The following AMBRA1 variants were observed in gnomAD, a reference collection of about 807,000 sequenced individuals.
AMBRA1 encodes activating molecule in BECN1-regulated autophagy protein 1.
A neutral mutation model predicts 125.4 loss-of-function variants in AMBRA1; 47 were observed. The ratio of observed to expected loss-of-function variants is 0.37; its 90% CI spans 0.30 to 0.48. AMBRA1 has a LOEUF of 0.48. Ranked by LOEUF, AMBRA1 falls within the 20% of genes least tolerant of loss-of-function variation. AMBRA1 has a pLI of 0.99. For missense variants in AMBRA1, 1,331 were observed against 1,693.4 expected (o/e 0.79, Z 3.76); for synonymous variants, 626 against 655.5 (o/e 0.95, Z 0.69).
chr11:46,443,621 C>T, intron 11 of AMBRA1, 23 bp from the exon 12 acceptor site: 1 of 1,577,582 alleles, frequency 6.3e-7, no homozygotes, highest in Non-Finnish European at 8.7e-7. Flanking sequence ...AAGTCAAAGA[C>T]AGCACATTAT....
chr11:46,550,404 GA>G (rs1340962245), intron 1 of AMBRA1, among the ~76,000 whole-genome samples: 3 of 152,146 alleles, frequency 2.0e-5, no homozygotes, highest in African/African-American at 7.2e-5. Context: ...TTACTTGGTT[GA>G]GGTTGTTAAG....
chr11:46,510,825 T>A (rs1951227742), intron 8 of AMBRA1, among the ~76,000 whole-genome samples: 1 of 152,122 alleles, frequency 6.6e-6, no homozygotes, highest in Admixed American at 6.6e-5. Flanking sequence ...GGGTGAAGCC[T>A]AAGAGGAAAA....
intron 11 of AMBRA1, among the ~76,000 whole-genome samples, chr11:46,469,277 T>A (rs140496136): frequency 1.7e-3 from 257 of 152,332 alleles, no homozygotes; most frequent in Non-Finnish European, 3.2e-3. Context: ...CTCCTAATCT[T>A]CCCTTCCTCC....
intron 13 of AMBRA1, 26 bp from the exon 14 acceptor site, chr11:46,433,654 AT>A: frequency 6.2e-7 from 1 of 1,605,370 alleles, no homozygotes; most frequent in Non-Finnish European, 8.5e-7. Flanking sequence ...ACAGAGAAAT[AT>A]TTCCTAGGCT....
At chr11:46,554,617 G>A (rs1297626504) in intron 1 of AMBRA1, among the ~76,000 whole-genome samples, 1 of 152,074 alleles carries the variant, frequency 6.6e-6, no homozygotes, top group Admixed American at 6.6e-5. Context: ...AAGGATAAGG[G>A]ACTTCTCTCC....
intron 11 of AMBRA1, 35 bp downstream of exon 11, chr11:46,493,573 T>TC: frequency 6.4e-7 from 1 of 1,556,680 alleles, no homozygotes; most frequent in Non-Finnish European, 8.8e-7. Flanking sequence ...CCTTGGCCCT[T>TC]CACATTTTCA....
chr11:46,585,377 A>G (rs1355377693), intron 1 of AMBRA1, among the ~76,000 whole-genome samples: 1 of 150,128 alleles, frequency 6.7e-6, no homozygotes, highest in Non-Finnish European at 1.5e-5. Flanking sequence ...AATAATTCCA[A>G]AAAAAAAACG....
At position 46,567,610 on chromosome 11, in the gene AMBRA1, C is replaced by G. The variant is rs185947847; in HGVS notation, c.-120-19110G>C. 2.3e-3 allele frequency among the ~76,000 whole-genome samples: 344 copies of G among 152,258 alleles called. 1 individual carries two copies. The highest frequency in any genetic ancestry group is 3.4e-3 in the Non-Finnish European group (228 of 68,010). On this transcript the variant is annotated intron_variant, in intron 1 of 17. Coordinates refer to ENST00000683756, the MANE Select transcript of AMBRA1 (RefSeq NM_001387011.1). ...TCCTGGCCTCAAGTGATTCGCCCGC[C>G]TCAGCCTCCCAAAGTGCTGGGATTA...
rs2014722 is a variant in AMBRA1 at position 46,496,896 on chromosome 11, G to C, written c.2340-2692C>G. Among the ~76,000 whole-genome samples, 526 of 151,450 alleles carry C rather than the reference G, an allele frequency of 3.5e-3. 2 individuals are homozygous for C. The highest frequency in any genetic ancestry group is 0.012 in the African/African-American group (508 of 41,344). ...GGAGGCTGAGGCGGGCAGATCACTT[G>C]AAGTTAGAAGTTCGAGACCAGCCTG... On this transcript the variant is annotated intron_variant, in intron 9 of 17. Coordinates refer to ENST00000683756, the MANE Select transcript of AMBRA1 (RefSeq NM_001387011.1).
At chr11:46,588,788 A>C (rs1435089269) in intron 1 of AMBRA1, among the ~76,000 whole-genome samples, 1 of 151,986 alleles carries the variant, frequency 6.6e-6, no homozygotes, top group African/African-American at 2.4e-5. Flanking sequence ...AAAAAAAAAA[A>C]AAAAAGTATT....
At chr11:46,423,086 C>A (rs1053273512) in intron 14 of AMBRA1, among the ~76,000 whole-genome samples, 1 of 152,176 alleles carries the variant, frequency 6.6e-6, no homozygotes, top group South Asian at 2.1e-4. Flanking sequence ...AGGGAAAAAT[C>A]AATAGAAAGC....
At chr11:46,451,904 T>G (rs183992549) in intron 11 of AMBRA1, 1 of 149,552 alleles carries the variant, frequency 6.7e-6, no homozygotes, top group Non-Finnish European at 1.5e-5. Context: ...GAAAAACTTA[T>G]CAACTTTTCA....
chr11:46,582,131 T>A (rs796328087), intron 1 of AMBRA1, among the ~76,000 whole-genome samples: 63 of 149,528 alleles, frequency 4.2e-4, no homozygotes, highest in Middle Eastern at 3.5e-3. Flanking sequence ...AAAAAAAAAA[T>A]TCGAAAGCCT....
intron 15 of AMBRA1, among the ~76,000 whole-genome samples, chr11:46,415,655 C>T (rs964101459): frequency 2.0e-5 from 3 of 152,160 alleles, no homozygotes; most frequent in Non-Finnish European, 4.4e-5. Flanking sequence ...CCAACCTGAC[C>T]CAAGAAGTCA....
chr11:46,542,258 T>C lies in AMBRA1; in HGVS notation c.1759A>G (p.Thr587Ala). 1 of 1,614,072 alleles carries C rather than the reference T, an allele frequency of 6.2e-7. No individual in the cohort carries two copies. The highest frequency in any genetic ancestry group is 8.5e-7 in the Non-Finnish European group (1 of 1,180,026). The change falls in exon 7 of 18, where the codon ACC becomes GCC. Residue 587 changes from threonine to alanine, a missense_variant. Around this residue, in one of 4 missense-constraint regions of AMBRA1, gnomAD observed 689 missense variants for 776.5 expected, o/e 0.89. Transcript: ENST00000683756. The surrounding 1 kb of genome is among the most constrained non-coding windows in gnomAD (Gnocchi z 5.9). ...FNNDTLRWER[T>A]TPNYSSGEAS... ...TCGCCAGAGGAGTAGTTAGGTGTGGTTCTTTCCCAGCGCAGGGTATCGTTG... is the reference window on the plus strand; with the variant it reads ...TCGCCAGAGGAGTAGTTAGGTGTGGCTCTTTCCCAGCGCAGGGTATCGTTG...
intron 11 of AMBRA1, among the ~76,000 whole-genome samples, chr11:46,459,357 T>C (rs1011713294): frequency 6.7e-6 from 1 of 149,546 alleles, no homozygotes; most frequent in East Asian, 1.9e-4. Context: ...TATTTTGGTA[T>C]TACTTGAATT....
intron 11 of AMBRA1, among the ~76,000 whole-genome samples, chr11:46,472,088 T>C (rs1171517407): frequency 1.3e-5 from 2 of 152,204 alleles, no homozygotes; most frequent in African/African-American, 4.8e-5. Context: ...AAAGGACACA[T>C]TGTGGAGCAA....
At chr11:46,581,714 C>T (rs1052731258) in intron 1 of AMBRA1, among the ~76,000 whole-genome samples, 9 of 150,106 alleles carry the variant, frequency 6.0e-5, no homozygotes, top group Non-Finnish European at 1.0e-4. Context: ...GCAGGAGAAT[C>T]GCTTGAACCC....
intron 1 of AMBRA1, among the ~76,000 whole-genome samples, chr11:46,575,639 C>T (rs1034343464): frequency 1.3e-5 from 2 of 151,102 alleles, no homozygotes; most frequent in South Asian, 2.1e-4. Flanking sequence ...GCCTCAGCCT[C>T]GCAAGCAGCT....
Sources: allele counts gnomAD v4.1 joint callset (sites outside exome capture counted in the v4.1 genomes callset), GRCh38; gene constraint gnomAD v4.1.1; regional missense constraint gnomAD v4.1.1; non-coding constraint Gnocchi (gnomAD v3.1); transcripts MANE v1.5; gene names NCBI Gene and HGNC (gene_info 2026-07-23, HGNC 2026-07-21).